Variants in UBR1 observed in about 807,000 individuals in gnomAD.
UBR1 encodes ubiquitin protein ligase E3 component n-recognin 1, also known as E3 ubiquitin-protein ligase UBR1.
In UBR1, 102 loss-of-function variants were observed where a neutral mutation model predicts 242.1. That is an observed-to-expected ratio of 0.42 (90% CI 0.36 to 0.50). The LOEUF (loss-of-function observed/expected upper bound fraction) is 0.50, where lower values mean the gene tolerates loss of function less well. Ranked by LOEUF, UBR1 falls within the 20% of genes least tolerant of loss-of-function variation. The probability of loss-of-function intolerance (pLI) is 0.01; values close to 1 mark genes in which losing one functional copy is unlikely to be tolerated. For missense variants in UBR1, 1,772 were observed against 2,101.8 expected (o/e 0.84, Z 3.07); for synonymous variants, 675 against 684.8 (o/e 0.99, Z 0.22).
At chr15:42,988,600 T>A (rs1008301347) in intron 35 of UBR1, 6 of 596,326 alleles carry the variant, frequency 1.0e-5, no homozygotes, top group Non-Finnish European at 1.4e-5. Flanking sequence ...ATATTTTTTT[T>A]AACTTATGTT....
At chr15:43,009,278 T>C (rs2126602) in intron 29 of UBR1, among the ~76,000 whole-genome samples, 130,817 of 152,224 alleles carry the variant, frequency 0.86, 56,329 homozygotes, top group South Asian at 0.9. Flanking sequence ...CAAGAGTCCC[T>C]GCAGCGGAAC....
chr15:43,019,514 TA>T (rs989716251), intron 27 of UBR1, among the ~76,000 whole-genome samples: 2 of 151,954 alleles, frequency 1.3e-5, no homozygotes, highest in African/African-American at 4.8e-5. Context: ...AAACAATACT[TA>T]CCTAAAAACA....
At chr15:43,068,457 G>A (rs1213380227) in intron 5 of UBR1, among the ~76,000 whole-genome samples, 1 of 152,056 alleles carries the variant, frequency 6.6e-6, no homozygotes, top group East Asian at 1.9e-4. Flanking sequence ...AAAGTGCCAG[G>A]ATTATAAGCG....
chr15:42,977,699 T>A (rs78144092), intron 38 of UBR1, among the ~76,000 whole-genome samples, 181 bp downstream of exon 38: 26 of 150,514 alleles, frequency 1.7e-4, no homozygotes, highest in South Asian at 1.3e-3. Flanking sequence ...TTTTTTTTTT[T>A]AATGATTTTG....
intron 40 of UBR1, among the ~76,000 whole-genome samples, chr15:42,967,345 G>A (rs1472431276): frequency 6.7e-6 from 1 of 148,952 alleles, no homozygotes; most frequent in Non-Finnish European, 1.5e-5. Context: ...TTATAGGTAT[G>A]AGCCACCGTG....
chr15:42,952,346 G>A lies in UBR1; in HGVS notation c.4938C>T (p.Asn1646=), dbSNP rs35996841. Residue 1646 remains asparagine, a synonymous_variant, in exon 45 of 47, where the codon AAC becomes AAT. Coordinates refer to ENST00000290650, the MANE Select transcript of UBR1 (RefSeq NM_174916.3). ...AAATGCAAGCTCCAACCTCTTCCCC[G>A]TTCACAATTTCCTGGCAGCAAATGT... ...SQNICCQEIV[N]GEEVGACIFH... 2,037 of 1,614,092 alleles carry A rather than the reference G, an allele frequency of 1.3e-3. 19 individuals carry two copies. The African/African-American group carries it at 0.022, about 17-fold the overall frequency.
intron 33 of UBR1, among the ~76,000 whole-genome samples, chr15:42,996,486 A>C (rs908267996): frequency 6.6e-6 from 1 of 152,072 alleles, no homozygotes; most frequent in Non-Finnish European, 1.5e-5. Flanking sequence ...GGTTCCAGCT[A>C]CTTGGGAGGC....
intron 45 of UBR1, 95 bp from the exon 46 acceptor site, chr15:42,950,458 T>TGTGC: frequency 1.0e-6 from 1 of 990,686 alleles, no homozygotes; most frequent in Non-Finnish European, 1.6e-6. Flanking sequence ...ACGTGGCCAA[T>TGTGC]ATCTGTTAGA....
At chr15:42,967,910 T>C (rs978810260) in intron 40 of UBR1, among the ~76,000 whole-genome samples, 8 of 150,624 alleles carry the variant, frequency 5.3e-5, no homozygotes, top group African/African-American at 1.7e-4. Context: ...GGGTTAAATA[T>C]ATATAAGATT....
chr15:43,097,030 T>C (rs1451135667), intron 1 of UBR1, among the ~76,000 whole-genome samples: 1 of 152,122 alleles, frequency 6.6e-6, no homozygotes, highest in Non-Finnish European at 1.5e-5. Context: ...AGAGGAATCG[T>C]AATTTATGAA....
chr15:42,975,131 G>C (rs1243589351), intron 39 of UBR1, among the ~76,000 whole-genome samples: 1 of 151,872 alleles, frequency 6.6e-6, no homozygotes, highest in African/African-American at 2.4e-5. Flanking sequence ...CCTGACCTCA[G>C]GTGATCCACC....
Position 43,067,981 on chromosome 15 carries a change from C to A in UBR1, c.715G>T (p.Asp239Tyr). 1 of 1,603,278 alleles carries A rather than the reference C, an allele frequency of 6.2e-7. No individual in the cohort carries two copies. Among genetic ancestry groups the A allele is most frequent in the South Asian group, 1.1e-5 (1 of 90,788 alleles). Residue 239 changes from aspartate to tyrosine, a missense_variant, in exon 6 of 47, where the codon GAC becomes TAC. By Grantham distance (160) the Asp-to-Tyr change is radical. Coordinates refer to ENST00000290650, the MANE Select transcript of UBR1 (RefSeq NM_174916.3). Reference sequence around the variant, plus strand: ...CTTTGTAGGCTGTATATGACGTGGTCATATGAATGGTGTTCATCATTGAAA... The same window carrying A: ...CTTTGTAGGCTGTATATGACGTGGTAATATGAATGGTGTTCATCATTGAAA... ...VLFNDEHHSY[D>Y]HVIYSLQRAL...
chr15:43,043,586 G>A (rs535749890), intron 14 of UBR1, among the ~76,000 whole-genome samples, 191 bp from the exon 15 acceptor site: 1 of 152,252 alleles, frequency 6.6e-6, no homozygotes, highest in African/African-American at 2.4e-5. Flanking sequence ...GAGTAGCTGG[G>A]ACTACAGGCG....
intron 3 of UBR1, among the ~76,000 whole-genome samples, chr15:43,081,792 AT>A (rs1215370552): frequency 6.6e-6 from 1 of 152,050 alleles, no homozygotes; most frequent in Non-Finnish European, 1.5e-5. Flanking sequence ...AAAAATCCAT[AT>A]TTTTTAATCC....
chr15:43,014,327 C>G (rs1414560898), intron 29 of UBR1, among the ~76,000 whole-genome samples: 1 of 151,718 alleles, frequency 6.6e-6, no homozygotes, highest in Non-Finnish European at 1.5e-5. Context: ...TGAGGAGCGT[C>G]TCTGCCTGGC....
At chr15:42,975,269 A>C (rs1596081772) in intron 39 of UBR1, among the ~76,000 whole-genome samples, 2 of 152,310 alleles carry the variant, frequency 1.3e-5, no homozygotes, top group East Asian at 3.9e-4. Context: ...CTTACAGAAA[A>C]ATGCTACACT....
At chr15:43,004,068 A>G in intron 30 of UBR1, 138 bp from the exon 31 acceptor site, 4 of 752,742 alleles carry the variant, frequency 5.3e-6, no homozygotes, top group Non-Finnish European at 9.3e-6. Context: ...AAAAAGAGAA[A>G]AGTAATAGTA....
In UBR1 at chr15:43,043,927, A is replaced by AG. The variant is rs908430303; in HGVS notation, c.1669-533dup. 6.6e-5 allele frequency among the ~76,000 whole-genome samples: 10 copies of AG among 152,230 alleles called. No individual in the cohort carries two copies. In the South Asian group the frequency reaches 8.3e-4, roughly 13 times the overall value. Reference sequence around the variant, plus strand: ...AATGGTACAGACTAATTGCTCTAAGAGGGGGGAAAAAAAAGAATCACAAAG... The same window carrying AG: ...AATGGTACAGACTAATTGCTCTAAGAGGGGGGGAAAAAAAAGAATCACAAAG... On this transcript the variant is annotated intron_variant, in intron 14 of 46. Transcript: ENST00000290650.
At chr15:42,998,938 T>C (rs890763993) in intron 32 of UBR1, among the ~76,000 whole-genome samples, 30 of 34,890 alleles carry the variant, frequency 8.6e-4, no homozygotes, top group Non-Finnish European at 1.6e-3. Flanking sequence ...GAGCCTTTGC[T>C]TTTTTTTTTT....
Sources: gnomAD v4.1 joint callset for allele counts (sites outside exome capture counted in the v4.1 genomes callset) on GRCh38, gnomAD v4.1.1 for gene constraint, MANE v1.5 for transcripts, NCBI Gene and HGNC (gene_info 2026-07-23, HGNC 2026-07-21) for gene names.